The following EDAR variants were observed in gnomAD, a reference collection of about 807,000 sequenced individuals.
The protein encoded by EDAR is tumor necrosis factor receptor superfamily member EDAR.
EDAR carries 38 observed loss-of-function variants against 51.3 expected under a neutral mutation model. The ratio of observed to expected loss-of-function variants is 0.74; its 90% CI spans 0.57 to 0.97. The LOEUF (loss-of-function observed/expected upper bound fraction) is 0.97. Ranked by LOEUF, EDAR falls within the 50% of genes least tolerant of loss-of-function variation. EDAR has a pLI of 0.00. For synonymous variants in EDAR, 227 were observed against 242.1 expected, an observed-to-expected ratio of 0.94 and a Z score of 0.58; for missense variants, 528 against 595.0, an observed-to-expected ratio of 0.89 and a Z score of 1.17.
chr2:108,907,835 A>G, intron 10 of EDAR, 25 bp downstream of exon 10: 1 of 1,613,236 alleles, frequency 6.2e-7, no homozygotes, highest in Non-Finnish European at 8.5e-7. Flanking sequence ...CTCACAGCTC[A>G]TCATGGCACC....
At chr2:108,950,988 C>T (rs1430858765) in intron 1 of EDAR, among the ~76,000 whole-genome samples, 1 of 152,186 alleles carries the variant, frequency 6.6e-6, no homozygotes, top group East Asian at 1.9e-4. Context: ...CTTTGTCTGC[C>T]ATCCATTGTC....
At chr2:108,929,556 G>T (rs1697326739) in intron 3 of EDAR, among the ~76,000 whole-genome samples, 177 bp from the exon 4 acceptor site, 1 of 152,158 alleles carries the variant, frequency 6.6e-6, no homozygotes, top group Non-Finnish European at 1.5e-5. Flanking sequence ...TCATGCTCTG[G>T]GCTTGCCCCT....
intron 1 of EDAR, among the ~76,000 whole-genome samples, chr2:108,972,108 C>G (rs1387403495): frequency 6.6e-6 from 1 of 152,194 alleles, no homozygotes; most frequent in East Asian, 1.9e-4. Context: ...CCAGAACCAC[C>G]CAGCGGAGCC....
intron 1 of EDAR, among the ~76,000 whole-genome samples, chr2:108,980,480 T>C (rs1698400211): frequency 1.3e-5 from 2 of 152,062 alleles, no homozygotes; most frequent in African/African-American, 4.8e-5. Flanking sequence ...TATATTCACA[T>C]ATATATAATA....
chr2:108,907,832 CTCA>C, intron 10 of EDAR, 25 bp downstream of exon 10: 1 of 1,613,130 alleles, frequency 6.2e-7, no homozygotes, highest in Non-Finnish European at 8.5e-7. Flanking sequence ...CATCTCACAG[CTCA>C]TCATGGCACC....
chr2:108,947,900 C>T (rs1176332097), intron 1 of EDAR, among the ~76,000 whole-genome samples: 2 of 152,204 alleles, frequency 1.3e-5, no homozygotes, highest in Non-Finnish European at 2.9e-5. Flanking sequence ...TGAATTCCTC[C>T]CCAGAAAATG....
intron 1 of EDAR, among the ~76,000 whole-genome samples, chr2:108,961,291 G>A (rs1248169351): frequency 6.6e-6 from 1 of 151,850 alleles, no homozygotes; most frequent in Admixed American, 6.5e-5. Context: ...ATAATTAAGA[G>A]GGGGAGACAC....
At chr2:108,952,397 A>G (rs1317552955) in intron 1 of EDAR, among the ~76,000 whole-genome samples, 1 of 152,252 alleles carries the variant, frequency 6.6e-6, no homozygotes, top group Non-Finnish European at 1.5e-5. Flanking sequence ...CTGAATAATG[A>G]GGACATGATG....
intron 6 of EDAR, among the ~76,000 whole-genome samples, chr2:108,911,321 A>G (rs1163047581): frequency 6.6e-6 from 1 of 152,068 alleles, no homozygotes; most frequent in Non-Finnish European, 1.5e-5. Flanking sequence ...GGGTCACCTG[A>G]TTGTTCCTAG....
intron 5 of EDAR, among the ~76,000 whole-genome samples, chr2:108,918,287 C>T (rs1697064405): frequency 6.6e-6 from 1 of 152,188 alleles, no homozygotes. Context: ...AGGGTCTATG[C>T]CTGTCTACTG....
chr2:108,930,899 C>T (rs2105448602), intron 2 of EDAR, 65 bp downstream of exon 2: 1 of 1,572,110 alleles, frequency 6.4e-7, no homozygotes, highest in South Asian at 1.1e-5. Flanking sequence ...CTGAAGAGGC[C>T]AAGAAACAGT....
Position 108,907,876 on chromosome 2 carries a change from C to T in EDAR, c.947G>A (p.Ser316Asn). ...VHLAREKSATSNKSAGIQSRR... is the reference protein window; with the variant it reads ...VHLAREKSATNNKSAGIQSRR... ...GAGCCTCACCCCGGCTGACTTGTTG[C>T]TGGTGGCAGACTTCTCCCTGGCCAG... is the stretch of plus-strand genomic sequence containing the variant. The change falls in exon 10 of 12, where the codon AGC (serine) becomes AAC (asparagine). Residue 316 changes from serine (S) to asparagine (N), a missense_variant. Ser to Asn is a conservative substitution (Grantham distance 46). Coordinates refer to ENST00000258443, the MANE Select transcript of EDAR (RefSeq NM_022336.4). 6.2e-7 allele frequency: 1 copy of T among 1,613,594 alleles called. No individual in the cohort carries two copies. Among genetic ancestry groups the T allele is most frequent in the Non-Finnish European group, 8.5e-7 (1 of 1,180,024 alleles).
chr2:108,919,133 G>C (rs561650793), intron 5 of EDAR, among the ~76,000 whole-genome samples: 18 of 152,276 alleles, frequency 1.2e-4, no homozygotes, highest in African/African-American at 4.1e-4. Flanking sequence ...CCGGTGTCTG[G>C]GAGGCTGGGA....
chr2:108,977,183 C>T (rs1004029761), intron 1 of EDAR, among the ~76,000 whole-genome samples: 1 of 152,208 alleles, frequency 6.6e-6, no homozygotes, highest in Admixed American at 6.5e-5. Context: ...CCAACAGGCC[C>T]TGCACCCCTG....
At chr2:108,912,048 G>C (rs146319898) in intron 6 of EDAR, among the ~76,000 whole-genome samples, 1 of 152,236 alleles carries the variant, frequency 6.6e-6, no homozygotes, top group Non-Finnish European at 1.5e-5. Flanking sequence ...CTCTGCGTTA[G>C]CGCGTGGGAG....
At position 108,897,099 on chromosome 2, in the gene EDAR, C is replaced by T; in HGVS notation, c.1155G>A (p.Arg385=). Residue 385 remains arginine, a synonymous_variant, in exon 12 of 12, where the codon AGG becomes AGA. Coordinates refer to ENST00000258443, the MANE Select transcript of EDAR (RefSeq NM_022336.4). ...CGTCTGTCATGCCCCCAATCTCATC[C>T]CTCTTCAGGCCGAAGCTCTCGGCGA... ...RHLAESFGLK[R]DEIGGMTDGM... 2.5e-6 allele frequency: 4 copies of T among 1,614,146 alleles called. No individual in the cohort carries two copies. The highest frequency in any genetic ancestry group is 3.3e-5 in the Admixed American group (2 of 60,022).
intron 10 of EDAR, 109 bp downstream of exon 10, chr2:108,907,751 G>T: frequency 7.5e-7 from 1 of 1,328,552 alleles, no homozygotes; most frequent in Non-Finnish European, 1.1e-6. Flanking sequence ...GGACTTCTGG[G>T]AGAAACACCC....
At chr2:108,900,695 C>T (rs749503979) in intron 11 of EDAR, among the ~76,000 whole-genome samples, 4 of 151,956 alleles carry the variant, frequency 2.6e-5, no homozygotes, top group East Asian at 1.9e-4. Context: ...ATGAGAGAGG[C>T]GTTGGAAGTA....
At chr2:108,906,430 T>C in intron 10 of EDAR, 62 bp from the exon 11 acceptor site, 1 of 1,572,556 alleles carries the variant, frequency 6.4e-7, no homozygotes. Flanking sequence ...AGGAGGCAAA[T>C]CCTCCATGTC....
Sources: allele counts gnomAD v4.1 joint callset (sites outside exome capture counted in the v4.1 genomes callset), GRCh38; gene constraint gnomAD v4.1.1; transcripts MANE v1.5; gene names NCBI Gene and HGNC (gene_info 2026-07-23, HGNC 2026-07-21).